Variants in GRK4 observed in about 807,000 individuals in gnomAD.
The protein encoded by GRK4 is G protein-coupled receptor kinase 4.
In GRK4, 73 loss-of-function variants were observed where a neutral mutation model predicts 77.9. The ratio of observed to expected loss-of-function variants is 0.94; its 90% confidence interval spans 0.78 to 1.14. The LOEUF (loss-of-function observed/expected upper bound fraction) is 1.14, where lower values mean the gene tolerates loss of function less well. Ranked by LOEUF, GRK4 falls within the 50% of genes most tolerant of loss-of-function variation. GRK4 has a pLI of 0.00. For missense variants in GRK4, 729 were observed against 700.2 expected (o/e 1.04, Z -0.46); for synonymous variants, 257 against 254.4 (o/e 1.01, Z -0.10).
chr4:2,994,593 G>C (rs1442651380), intron 4 of GRK4, among the ~76,000 whole-genome samples: 1 of 151,830 alleles, frequency 6.6e-6, no homozygotes, highest in Non-Finnish European at 1.5e-5. Flanking sequence ...TATAGCAAGG[G>C]AGGGCATCAA....
chr4:3,031,488 C>T (rs1333883406), intron 12 of GRK4, among the ~76,000 whole-genome samples: 1 of 152,196 alleles, frequency 6.6e-6, no homozygotes, highest in African/African-American at 2.4e-5. Context: ...GCTGCACTCG[C>T]CCAGCTCTGG....
chr4:2,988,586 A>AACAACG (rs1725143442), intron 2 of GRK4, 141 bp from the exon 3 acceptor site: 2 of 550,848 alleles, frequency 3.6e-6, no homozygotes, highest in Non-Finnish European at 6.7e-6. Flanking sequence ...AAACAACAAC[A>AACAACG]ACAACAACAA....
chr4:2,984,407 C>A, intron 1 of GRK4, 106 bp from the exon 2 acceptor site: 1 of 602,854 alleles, frequency 1.7e-6, no homozygotes, highest in Non-Finnish European at 3.0e-6. Context: ...ATGATAGGTA[C>A]CCAAACCACT....
At chr4:3,020,929 G>A (rs1021244685) in intron 9 of GRK4, among the ~76,000 whole-genome samples, 1 of 152,164 alleles carries the variant, frequency 6.6e-6, no homozygotes, top group Non-Finnish European at 1.5e-5. Flanking sequence ...CATTGTGTCC[G>A]GTAGTATGTG....
Position 2,973,654 on chromosome 4 carries a change from G to A in GRK4, c.52+9532G>A, listed in dbSNP as rs116367385. On this transcript the variant is annotated intron_variant, in intron 1 of 15. Transcript: ENST00000398052. ...CTCAACTCAAAACGCAGCAGATTCCGACCTTTTCTCACCTCCTCCACTGCT... is the reference window on the plus strand; with the variant it reads ...CTCAACTCAAAACGCAGCAGATTCCAACCTTTTCTCACCTCCTCCACTGCT... Among the ~76,000 whole-genome samples, 1,309 of 152,204 alleles carry A rather than the reference G, an allele frequency of 8.6e-3. 12 individuals carry two copies. Among genetic ancestry groups the A allele is most frequent in the African/African-American group, 0.029 (1,196 of 41,516 alleles).
chr4:3,028,250 G>A (rs1001415840), intron 11 of GRK4, among the ~76,000 whole-genome samples: 1 of 152,208 alleles, frequency 6.6e-6, no homozygotes, highest in Non-Finnish European at 1.5e-5. Flanking sequence ...ACTCAGCGAA[G>A]TGAGGGCAGA....
chr4:3,037,465 A>T lies in GRK4; in HGVS notation c.1499A>T (p.Tyr500Phe). 1 of 1,611,110 alleles carries T rather than the reference A, an allele frequency of 6.2e-7. No individual in the cohort carries two copies. ...IYLDTADEDF[Y>F]ARFATGCVSI... ...CTGGACACCGCAGATGAAGACTTCTATGCTCGGTTTGCTACCGGGTGTGTC... is the reference window on the plus strand; with the variant it reads ...CTGGACACCGCAGATGAAGACTTCTTTGCTCGGTTTGCTACCGGGTGTGTC... Residue 500 changes from tyrosine (Y) to phenylalanine (F), a missense_variant, in exon 14 of 16, where the codon TAT (tyrosine) becomes TTT (phenylalanine). Transcript: ENST00000398052.
At chr4:3,013,937 G>A (rs1733671243) in intron 8 of GRK4, 109 bp downstream of exon 8, 32 of 1,216,890 alleles carry the variant, frequency 2.6e-5, no homozygotes, top group Non-Finnish European at 3.5e-5. Flanking sequence ...GTCATTTCTT[G>A]TTTTCTGAGT....
intron 7 of GRK4, among the ~76,000 whole-genome samples, chr4:3,012,585 A>G (rs1733209448): frequency 6.6e-6 from 1 of 152,210 alleles, no homozygotes; most frequent in Non-Finnish European, 1.5e-5. Context: ...GTTTGCTTTT[A>G]AAGCAGTCCC....
chr4:2,987,067 A>T, intron 2 of GRK4: 2 of 494,184 alleles, frequency 4.0e-6, no homozygotes, highest in African/African-American at 2.0e-5. Context: ...CAGCATTTTC[A>T]GCACCCCAAA....
intron 13 of GRK4, 129 bp downstream of exon 13, chr4:3,035,652 G>A: frequency 9.8e-7 from 1 of 1,016,266 alleles, no homozygotes; most frequent in South Asian, 1.7e-5. Context: ...TTGCACTCCT[G>A]GCCTCAAGTG....
intron 12 of GRK4, among the ~76,000 whole-genome samples, chr4:3,033,863 G>A (rs538818486): frequency 1.3e-5 from 2 of 152,196 alleles, no homozygotes; most frequent in South Asian, 2.1e-4. Flanking sequence ...GGGATTACGG[G>A]CATGAGCCAC....
At chr4:3,031,588 G>A (rs1217342423) in intron 12 of GRK4, among the ~76,000 whole-genome samples, 1 of 152,224 alleles carries the variant, frequency 6.6e-6, no homozygotes, top group Non-Finnish European at 1.5e-5. Flanking sequence ...GCTGGCTCCA[G>A]TGGACGAGGA....
chr4:3,019,080 G>A (rs1014978965), intron 8 of GRK4, among the ~76,000 whole-genome samples: 1 of 151,984 alleles, frequency 6.6e-6, no homozygotes, highest in African/African-American at 2.4e-5. Context: ...GAAAAATGGG[G>A]GGAAAATAGA....
rs4690068 is a variant in GRK4, at chr4:2,981,041, G to A, written c.53-3472G>A. On this transcript the variant is annotated intron_variant, in intron 1 of 15. Transcript: ENST00000398052. ...GGCGCTGGTTACCTGCTGTGGCTGTGGCTAGACCAAGCGTACTGCAAGCAG... is the reference window on the plus strand; with the variant it reads ...GGCGCTGGTTACCTGCTGTGGCTGTAGCTAGACCAAGCGTACTGCAAGCAG... Among the ~76,000 whole-genome samples, 1,071 of 152,366 alleles carry A rather than the reference G, an allele frequency of 7.0e-3. 16 individuals carry two copies. The highest frequency in any genetic ancestry group is 0.043 in the East Asian group (222 of 5,180).
At chr4:3,015,424 G>A (rs1491003082) in intron 8 of GRK4, among the ~76,000 whole-genome samples, 3 of 152,050 alleles carry the variant, frequency 2.0e-5, no homozygotes, top group Admixed American at 6.5e-5. Flanking sequence ...GGTGGCTCAC[G>A]CCTGTAATCC....
At chr4:3,023,738 A>C (rs1192197330) in intron 10 of GRK4, among the ~76,000 whole-genome samples, 5 of 152,150 alleles carry the variant, frequency 3.3e-5, no homozygotes, top group Non-Finnish European at 7.3e-5. Context: ...CTGCTCACTT[A>C]CTGAGTTGTT....
intron 1 of GRK4, chr4:2,971,130 A>G (rs1719436379): frequency 6.6e-6 from 1 of 152,192 alleles, no homozygotes; most frequent in South Asian, 2.1e-4. Flanking sequence ...CATTTACGGT[A>G]TTTTGTACAT....
At position 3,029,359 on chromosome 4, in the gene GRK4, G is replaced by A. The variant is rs759552478; in HGVS notation, c.1219G>A (p.Glu407Lys). Reference sequence around the variant, plus strand: ...CGATCAAAGAATCAAGAATGATACCGAGGAGTATTCTGAGAAGTTTTCAGA... The same window carrying A: ...CGATCAAAGAATCAAGAATGATACCAAGGAGTATTCTGAGAAGTTTTCAGA... ...EVDQRIKNDT[E>K]EYSEKFSEDA... The change falls in exon 12 of 16, where the codon GAG becomes AAG. Residue 407 changes from glutamate (E) to lysine (K), a missense_variant. Transcript: ENST00000398052. 18 of 1,614,154 alleles carry A rather than the reference G, an allele frequency of 1.1e-5. No individual in the cohort carries two copies. In the Middle Eastern group the frequency reaches 4.9e-4, roughly 44 times the overall value.
Sources: allele counts gnomAD v4.1 joint callset (sites outside exome capture counted in the v4.1 genomes callset), GRCh38; gene constraint gnomAD v4.1.1; transcripts MANE v1.5; gene names NCBI Gene and HGNC (gene_info 2026-07-23, HGNC 2026-07-21).